ITGB6: variants seen among roughly 807,000 people sequenced by gnomAD.
ITGB6 encodes the protein integrin subunit beta 6.
ITGB6 carries 80 observed loss-of-function variants against 84.5 expected under a neutral mutation model. That is an observed-to-expected ratio of 0.95 (90% confidence interval 0.79 to 1.14). The LOEUF is 1.14. Ranked by LOEUF, ITGB6 falls within the 50% of genes most tolerant of loss-of-function variation. The pLI is 0.00. For synonymous variants in ITGB6, 383 were observed against 354.9 expected (o/e 1.08, Z -0.89); for missense variants, 1,006 against 968.0 (o/e 1.04, Z -0.52).
At chr2:160,120,143 T>C (rs543212581) in intron 12 of ITGB6, among the ~76,000 whole-genome samples, 1 of 151,996 alleles carries the variant, frequency 6.6e-6, no homozygotes, top group Non-Finnish European at 1.5e-5. Context: ...GAAATACTAT[T>C]TGACCCAGCC....
chr2:160,156,954 G>T (rs982071574), intron 7 of ITGB6, among the ~76,000 whole-genome samples: 6 of 152,248 alleles, frequency 3.9e-5, no homozygotes, highest in African/African-American at 1.2e-4. Flanking sequence ...GGTTGCCGAA[G>T]TCCCACAAAC....
chr2:160,107,651 C>A, intron 14 of ITGB6, 28 bp downstream of exon 14: 2 of 1,609,566 alleles, frequency 1.2e-6, no homozygotes, highest in Non-Finnish European at 1.7e-6. Context: ...CTCCCCTAGA[C>A]AAGGAGTAGC....
rs554385364 is a variant in ITGB6 at position 160,117,095 on chromosome 2, GAC to G, written c.1982-4898_1982-4897del. Among the ~76,000 whole-genome samples the G allele has an allele frequency of 5.3e-5, 8 of 151,228 alleles. No individual in the cohort carries two copies. In the East Asian group the frequency reaches 1.5e-3, roughly 29 times the overall value. On this transcript the variant is annotated intron_variant, in intron 12 of 14. Transcript: ENST00000283249. Reference sequence around the variant, plus strand: ...CTTTAACACCCCACTGTCAACATTAGACAGATCAACGAGACAGAAAGTTAACA... The same window carrying G: ...CTTTAACACCCCACTGTCAACATTAGAGATCAACGAGACAGAAAGTTAACA...
chr2:160,189,862 C>T (rs1228522781), intron 4 of ITGB6, among the ~76,000 whole-genome samples: 2 of 152,030 alleles, frequency 1.3e-5, no homozygotes, highest in Admixed American at 6.6e-5. Context: ...GGGTATATAC[C>T]CAAAGGATTC....
In ITGB6 at chr2:160,101,523, C is replaced by A. The variant is rs1038499748; in HGVS notation, c.*213G>T. 4 of 511,544 alleles carry A rather than the reference C, an allele frequency of 7.8e-6. No individual in the cohort carries two copies. The Admixed American group carries it at 1.1e-4, about 15-fold the overall frequency. The allele number at this position is 511,544 out of a possible 1,614,324, so 31.7% of individuals were successfully genotyped here. On this transcript the variant is annotated 3_prime_UTR_variant, in exon 15 of 15. Transcript: ENST00000283249. ...CAGAGTTAGTATTCCTCAAATGATCCCCAAAGTCATCTCTTTGCTAAGGAT... is the reference window on the plus strand; with the variant it reads ...CAGAGTTAGTATTCCTCAAATGATCACCAAAGTCATCTCTTTGCTAAGGAT...
At position 160,192,200 on chromosome 2, in the gene ITGB6, G is replaced by T. The variant is rs76988110; in HGVS notation, c.593+3169C>A. ...GAAAGAACAAAGTTGGAGGATTTATGCTCCTGATTTCAAGACTTTTTATAA... is the reference window on the plus strand; with the variant it reads ...GAAAGAACAAAGTTGGAGGATTTATTCTCCTGATTTCAAGACTTTTTATAA... On this transcript the variant is annotated intron_variant, in intron 4 of 14. Transcript: ENST00000283249. Among the ~76,000 whole-genome samples the T allele has an allele frequency of 1.5e-3, 232 of 152,212 alleles. 1 individual carries two copies. The East Asian group carries it at 0.028, about 18-fold the overall frequency.
At chr2:160,180,146 C>A (rs1418981329) in intron 4 of ITGB6, among the ~76,000 whole-genome samples, 1 of 151,300 alleles carries the variant, frequency 6.6e-6, no homozygotes, top group East Asian at 1.9e-4. Flanking sequence ...AAAAAACAAC[C>A]TTCAGAATGT....
At chr2:160,157,900 C>G (rs879739826) in intron 7 of ITGB6, among the ~76,000 whole-genome samples, 2 of 152,074 alleles carry the variant, frequency 1.3e-5, no homozygotes, top group Non-Finnish European at 2.9e-5. Context: ...GAAATGAGTC[C>G]TTCTTCAGAA....
At chr2:160,131,131 C>T (rs911547455) in intron 10 of ITGB6, among the ~76,000 whole-genome samples, 36 of 152,224 alleles carry the variant, frequency 2.4e-4, no homozygotes, top group African/African-American at 8.7e-4. Context: ...AAGATGATAA[C>T]CAAAGATCAA....
intron 12 of ITGB6, among the ~76,000 whole-genome samples, chr2:160,121,896 T>C (rs1307867067): frequency 2.0e-5 from 3 of 151,546 alleles, no homozygotes; most frequent in Admixed American, 2.0e-4. Context: ...ATGCTTTTTT[T>C]TTTTACTCCT....
chr2:160,185,684 A>G lies in ITGB6; in HGVS notation c.593+9685T>C, dbSNP rs563524189. 4.0e-4 allele frequency among the ~76,000 whole-genome samples: 61 copies of G among 152,362 alleles called. 1 individual carries two copies. The highest frequency in any genetic ancestry group is 1.5e-3 in the African/African-American group (61 of 41,584). On this transcript the variant is annotated intron_variant, in intron 4 of 14. Transcript: ENST00000283249. ...AGCAAAGACAATCCTAAGCAAAAGA[A>G]CAAAGCTGGAGGCATCATGCCACCT...
At chr2:160,129,055 GA>G (rs1236218246) in intron 10 of ITGB6, among the ~76,000 whole-genome samples, 1 of 151,858 alleles carries the variant, frequency 6.6e-6, no homozygotes, top group Non-Finnish European at 1.5e-5. Flanking sequence ...AATGTGATCA[GA>G]AAAAAGGATC....
chr2:160,141,008 G>A (rs74926079), intron 8 of ITGB6, among the ~76,000 whole-genome samples: 21,567 of 151,940 alleles, frequency 0.14, 2,050 homozygotes, highest in East Asian at 0.3. Context: ...ATTCTGATAC[G>A]TCGTTTTAGT....
At chr2:160,170,875 G>A (rs1685174411) in intron 6 of ITGB6, among the ~76,000 whole-genome samples, 1 of 152,150 alleles carries the variant, frequency 6.6e-6, no homozygotes, top group Admixed American at 6.5e-5. Flanking sequence ...GTTCAAAATG[G>A]AGCTTTTTGT....
intron 4 of ITGB6, 51 bp from the exon 5 acceptor site, chr2:160,174,190 C>A (rs894276531): frequency 1.5e-6 from 2 of 1,351,950 alleles, no homozygotes; most frequent in Non-Finnish European, 2.1e-6. Context: ...ATGCCACACA[C>A]AATTAATGGA....
At chr2:160,163,477 T>C (rs764582077) in intron 7 of ITGB6, among the ~76,000 whole-genome samples, 1 of 152,050 alleles carries the variant, frequency 6.6e-6, no homozygotes. Flanking sequence ...ACTAAAAACA[T>C]GCAAATTAGC....
chr2:160,195,502 C>A lies in ITGB6; in HGVS notation c.460G>T (p.Glu154Ter), dbSNP rs938761545. Residue 154 changes from glutamate (E) to a stop codon, truncating the protein, a stop_gained, in exon 4 of 15, where the codon GAG becomes TAG. Coordinates refer to ENST00000283249, the MANE Select transcript of ITGB6 (RefSeq NM_000888.5). LOFTEE classifies it high-confidence loss of function. ...TCTTTGGAAAGCCGGGAGCCCAGCTCCTTTATTGTGTTGAGGTCGTCATCC... is the reference window on the plus strand; with the variant it reads ...TCTTTGGAAAGCCGGGAGCCCAGCTACTTTATTGTGTTGAGGTCGTCATCC... ...SMDDDLNTIK[E>*]LGSRLSKEMS... 1 of 1,614,030 alleles carries A rather than the reference C, an allele frequency of 6.2e-7. No individual in the cohort carries two copies. The highest frequency in any genetic ancestry group is 1.3e-5 in the African/African-American group (1 of 74,902).
In ITGB6 at chr2:160,195,624, C is replaced by G. The variant is rs373210938; in HGVS notation, c.347-9G>C. The G allele has an allele frequency of 2.2e-5, 36 of 1,613,234 alleles. No homozygotes were observed. The African/African-American group carries it at 4.5e-4, about 20-fold the overall frequency. On this transcript the variant is annotated splice_polypyrimidine_tract_variant and intron_variant, in intron 3 of 14. Coordinates refer to ENST00000283249, the MANE Select transcript of ITGB6 (RefSeq NM_000888.5). ...CAGAGTCTGCGCACCACCTGCAAAG[C>G]CCAACAGGAAAAGCAAACCCAGGAA...
At chr2:160,106,428 A>G (rs1199630070) in intron 14 of ITGB6, among the ~76,000 whole-genome samples, 1 of 152,002 alleles carries the variant, frequency 6.6e-6, no homozygotes, top group African/African-American at 2.4e-5. Flanking sequence ...TTTTGTAGGG[A>G]TGGGTTTTGC....
Sources: gnomAD v4.1 joint callset for allele counts (sites outside exome capture counted in the v4.1 genomes callset) on GRCh38, gnomAD v4.1.1 for gene constraint, MANE v1.5 for transcripts, NCBI Gene and HGNC (gene_info 2026-07-23, HGNC 2026-07-21) for gene names.